Variants in KCTD16 observed in about 807,000 individuals in gnomAD.
KCTD16 encodes the protein potassium channel tetramerization domain containing 16, also known as BTB/POZ domain-containing protein KCTD16.
Under a neutral mutation model 33.2 loss-of-function variants are expected in KCTD16, and 13 were observed. The ratio of observed to expected loss-of-function variants is 0.39; its 90% CI spans 0.25 to 0.62. The LOEUF is 0.62. Ranked by LOEUF, KCTD16 falls within the 20% of genes least tolerant of loss-of-function variation. The probability of loss-of-function intolerance (pLI) is 0.50; values close to 1 mark genes in which losing one functional copy is unlikely to be tolerated. For missense variants in KCTD16, 441 were observed against 525.1 expected, an observed-to-expected ratio of 0.84 and a Z score of 1.57; for synonymous variants, 197 against 195.3, an observed-to-expected ratio of 1.01 and a Z score of -0.07.
At chr5:144,399,625 C>A (rs1266112205) in intron 3 of KCTD16, among the ~76,000 whole-genome samples, 1 of 152,094 alleles carries the variant, frequency 6.6e-6, no homozygotes, top group Admixed American at 6.6e-5. Flanking sequence ...CTAGTCTAGT[C>A]CATGAAATAC....
At chr5:144,343,379 G>A (rs1293523038) in intron 3 of KCTD16, among the ~76,000 whole-genome samples, 1 of 152,102 alleles carries the variant, frequency 6.6e-6, no homozygotes, top group Non-Finnish European at 1.5e-5. Context: ...GGTGTTTGTA[G>A]TATTCTCTGA....
chr5:144,342,559 A>G (rs1752674666), intron 3 of KCTD16, among the ~76,000 whole-genome samples: 1 of 152,170 alleles, frequency 6.6e-6, no homozygotes, highest in African/African-American at 2.4e-5. Flanking sequence ...TCCTAACTGA[A>G]TACCCTTTAT....
In KCTD16 at chr5:144,206,501, C is replaced by A; in HGVS notation, c.-214C>A. 4.0e-6 allele frequency: 2 copies of A among 503,056 alleles called. No homozygotes were observed. Among genetic ancestry groups the A allele is most frequent in the Non-Finnish European group, 7.0e-6 (2 of 286,342 alleles). 31.2% of individuals were successfully genotyped at this position (503,056 alleles called of 1,614,324 possible). A position where few individuals can be genotyped will look rare whatever the true frequency, so the allele number is the denominator to read the frequency against. ...GAAGTAGCAGCTCACTACCATCCAC[C>A]ATCCAGGGTTTAAACTACTTTTTCA... On this transcript the variant is annotated 5_prime_UTR_variant, in exon 3 of 4. Transcript: ENST00000512467.
intron 3 of KCTD16, among the ~76,000 whole-genome samples, chr5:144,246,733 C>T (rs1162008567): frequency 6.6e-6 from 1 of 152,140 alleles, no homozygotes; most frequent in Admixed American, 6.5e-5. Flanking sequence ...TTATTGATCT[C>T]CTTCTCCTCC....
At chr5:144,265,126 A>G (rs550115372) in intron 3 of KCTD16, among the ~76,000 whole-genome samples, 1 of 152,344 alleles carries the variant, frequency 6.6e-6, no homozygotes, top group African/African-American at 2.4e-5. Flanking sequence ...CCATTACCTT[A>G]TCAATCCAAC....
At chr5:144,378,969 T>C (rs1040663965) in intron 3 of KCTD16, among the ~76,000 whole-genome samples, 1 of 152,210 alleles carries the variant, frequency 6.6e-6, no homozygotes, top group African/African-American at 2.4e-5. Flanking sequence ...AATTGTGGCC[T>C]TTCTCTTAGA....
At chr5:144,176,802 G>C (rs1359526970) in intron 2 of KCTD16, among the ~76,000 whole-genome samples, 1 of 152,156 alleles carries the variant, frequency 6.6e-6, no homozygotes, top group Non-Finnish European at 1.5e-5. Flanking sequence ...TTATGGTTTA[G>C]GTTCTCTAGG....
chr5:144,230,108 C>T (rs944156091), intron 3 of KCTD16, among the ~76,000 whole-genome samples: 1 of 152,182 alleles, frequency 6.6e-6, no homozygotes, highest in African/African-American at 2.4e-5. Flanking sequence ...CGCCACTGTA[C>T]TTCAGCCTGG....
intron 2 of KCTD16, among the ~76,000 whole-genome samples, chr5:144,176,239 C>G (rs1381904908): frequency 2.0e-5 from 3 of 152,128 alleles, no homozygotes; most frequent in African/African-American, 7.2e-5. Context: ...TTTCTCTCCT[C>G]TCTTCCCCTA....
In KCTD16 at chr5:144,479,365, C is replaced by CAAAAAAAAAAAAAAAAAAAA. The variant is rs368957124; in HGVS notation, c.*5267_*5268insAAAAAAAAAAAAAAAAAAAA. 1.1e-5 allele frequency: 1 copy of CAAAAAAAAAAAAAAAAAAAA among 92,468 alleles called. No individual in the cohort carries two copies. Among genetic ancestry groups the CAAAAAAAAAAAAAAAAAAAA allele is most frequent in the African/African-American group, 5.0e-5 (1 of 20,126 alleles). The allele number at this position is 92,468 out of a possible 1,614,324, so 5.7% of individuals were successfully genotyped here. A position where few individuals can be genotyped will look rare whatever the true frequency, so the allele number is the denominator to read the frequency against. On this transcript the variant is annotated 3_prime_UTR_variant, in exon 4 of 4. Transcript: ENST00000512467. ...CCAAACTGATGTGTAAGAATAAATG[C>CAAAAAAAAAAAAAAAAAAAA]AAAAAAAAAAAAAAAAGAAAAAGAA...
intron 2 of KCTD16, among the ~76,000 whole-genome samples, chr5:144,199,807 T>G (rs1045713672): frequency 6.8e-6 from 1 of 148,036 alleles, no homozygotes; most frequent in Non-Finnish European, 1.5e-5. Context: ...ATCTCCGCCT[T>G]CCGGGTTCAA....
intron 3 of KCTD16, among the ~76,000 whole-genome samples, chr5:144,302,440 A>G (rs1282209949): frequency 6.6e-6 from 1 of 152,246 alleles, no homozygotes; most frequent in South Asian, 2.1e-4. Context: ...GTGGTAGAAG[A>G]TGGTGTTCAA....
intron 3 of KCTD16, among the ~76,000 whole-genome samples, chr5:144,361,882 T>C (rs1327367236): frequency 6.6e-6 from 1 of 151,426 alleles, no homozygotes; most frequent in Admixed American, 6.6e-5. Flanking sequence ...TATTTTACTT[T>C]GTTGTTATGA....
chr5:144,452,184 G>A (rs1753959766), intron 3 of KCTD16, among the ~76,000 whole-genome samples: 1 of 144,342 alleles, frequency 6.9e-6, no homozygotes, highest in Non-Finnish European at 1.5e-5. Flanking sequence ...CTCTCTAAGA[G>A]GTAGTTTGGC....
intron 3 of KCTD16, among the ~76,000 whole-genome samples, chr5:144,359,789 G>GAT (rs546126104): frequency 6.4e-4 from 98 of 151,984 alleles, no homozygotes; most frequent in African/African-American, 2.3e-3. Flanking sequence ...AAAAAACCCT[G>GAT]ATATAGAATC....
At chr5:144,203,241 A>G (rs1753082704) in intron 2 of KCTD16, among the ~76,000 whole-genome samples, 1 of 151,996 alleles carries the variant, frequency 6.6e-6, no homozygotes, top group South Asian at 2.1e-4. Flanking sequence ...AGTAATATTA[A>G]TACTCTTTTT....
intron 3 of KCTD16, among the ~76,000 whole-genome samples, chr5:144,209,793 T>TATAA (rs1561530147): frequency 6.8e-6 from 1 of 146,136 alleles, no homozygotes; most frequent in African/African-American, 2.5e-5. Context: ...GGGAAATATA[T>TATAA]ATATATATAT....
At chr5:144,261,424 A>T (rs1204950069) in intron 3 of KCTD16, among the ~76,000 whole-genome samples, 1 of 152,146 alleles carries the variant, frequency 6.6e-6, no homozygotes, top group Admixed American at 6.5e-5. Flanking sequence ...ATGTGCCTGC[A>T]CCCTCTCTGC....
At chr5:144,257,470 A>G (rs1240755460) in intron 3 of KCTD16, among the ~76,000 whole-genome samples, 1 of 152,000 alleles carries the variant, frequency 6.6e-6, no homozygotes. Flanking sequence ...CCATGGAGTA[A>G]TCAGCAGATA....
Sources: allele counts gnomAD v4.1 joint callset (sites outside exome capture counted in the v4.1 genomes callset), GRCh38; gene constraint gnomAD v4.1.1; transcripts MANE v1.5; gene names NCBI Gene and HGNC (gene_info 2026-07-23, HGNC 2026-07-21).